SMIM20: variants seen among roughly 807,000 people sequenced by gnomAD.
SMIM20 encodes the protein small integral membrane protein 20, also known as mitochondrial translation regulation assembly intermediate of cytochrome c oxidase protein of 7 kDa.
Under a neutral mutation model 8.7 loss-of-function variants are expected in SMIM20, and 3 were observed. The observed-to-expected ratio is 0.34, with a 90% CI of 0.16 to 0.89. The LOEUF is 0.89. Among genes scored for constraint, SMIM20 ranks in the 40% least tolerant of loss-of-function variants. The probability of loss-of-function intolerance (pLI) is 0.49; values close to 1 mark genes in which losing one functional copy is unlikely to be tolerated. For synonymous variants in SMIM20, 44 were observed against 33.6 expected, an observed-to-expected ratio of 1.31 and a Z score of -1.07; for missense variants, 85 against 84.8, an observed-to-expected ratio of 1.00 and a Z score of -0.01.
chr4:25,926,633 C>T (rs992613113), intron 1 of SMIM20, among the ~76,000 whole-genome samples: 3 of 152,268 alleles, frequency 2.0e-5, no homozygotes, highest in Non-Finnish European at 4.4e-5. Flanking sequence ...GGCATTCGGT[C>T]CTTGCCACCA....
At chr4:25,915,332 G>A (rs1719064421) in intron 1 of SMIM20, among the ~76,000 whole-genome samples, 1 of 152,092 alleles carries the variant, frequency 6.6e-6, no homozygotes, top group Non-Finnish European at 1.5e-5. Context: ...GAAAATATTA[G>A]GCATTAGAGG....
intron 1 of SMIM20, among the ~76,000 whole-genome samples, chr4:25,920,319 G>A (rs1424212489): frequency 6.6e-6 from 1 of 152,148 alleles, no homozygotes; most frequent in Non-Finnish European, 1.5e-5. Context: ...GTGATGTCCT[G>A]ATGATCCTGA....
intron 1 of SMIM20, among the ~76,000 whole-genome samples, chr4:25,920,340 G>A (rs1189189106): frequency 6.6e-6 from 1 of 152,044 alleles, no homozygotes; most frequent in Non-Finnish European, 1.5e-5. Context: ...CCCTGTGTGG[G>A]CCTAGGCTAA....
intron 1 of SMIM20, 105 bp from the exon 2 acceptor site, chr4:25,928,208 A>C: frequency 3.4e-6 from 4 of 1,170,554 alleles, no homozygotes; most frequent in Non-Finnish European, 4.8e-6. Context: ...CAGCACTCAT[A>C]AATACTGTTT....
chr4:25,928,299 C>G lies in SMIM20; in HGVS notation c.110-14C>G, dbSNP rs1711563799. ...CCCCCTTCTAAAGAATGATTTTTCT[C>G]TTATGTTTCTCAGAGAAGGAACAAG... On this transcript the variant is annotated splice_polypyrimidine_tract_variant and intron_variant, in intron 1 of 2. Coordinates refer to ENST00000506197, the MANE Select transcript of SMIM20 (RefSeq NM_001145432.3). 1 of 1,547,630 alleles carries G rather than the reference C, an allele frequency of 6.5e-7. No individual in the cohort carries two copies. The highest frequency in any genetic ancestry group is 8.7e-7 in the Non-Finnish European group (1 of 1,145,468).
chr4:25,917,433 G>T (rs1022656120), intron 1 of SMIM20, among the ~76,000 whole-genome samples: 2 of 152,176 alleles, frequency 1.3e-5, no homozygotes, highest in African/African-American at 2.4e-5. Flanking sequence ...ACAAGGGCAG[G>T]AATGTGAGAC....
At chr4:25,922,666 A>T (rs1343226826) in intron 1 of SMIM20, among the ~76,000 whole-genome samples, 1 of 152,038 alleles carries the variant, frequency 6.6e-6, no homozygotes, top group Non-Finnish European at 1.5e-5. Context: ...GGATCCTGAG[A>T]CTGTGGGGCA....
chr4:25,923,789 G>A (rs1318674208), intron 1 of SMIM20, among the ~76,000 whole-genome samples: 3 of 152,240 alleles, frequency 2.0e-5, no homozygotes, highest in Non-Finnish European at 4.4e-5. Flanking sequence ...GACATGCCAG[G>A]TGCTTAGAAT....
At chr4:25,921,432 A>G (rs76280821) in intron 1 of SMIM20, among the ~76,000 whole-genome samples, 3,029 of 152,318 alleles carry the variant, frequency 0.02, 88 homozygotes, top group African/African-American at 0.066. Context: ...GGGGCAAAGA[A>G]GGAGAATGGC....
intron 1 of SMIM20, among the ~76,000 whole-genome samples, chr4:25,926,591 C>T (rs1392508010): frequency 6.6e-6 from 1 of 152,228 alleles, no homozygotes; most frequent in African/African-American, 2.4e-5. Context: ...ATTTGGTTCT[C>T]CGTTGCATCA....
intron 1 of SMIM20, among the ~76,000 whole-genome samples, chr4:25,920,261 C>T (rs2109363758): frequency 6.6e-6 from 1 of 152,290 alleles, no homozygotes; most frequent in South Asian, 2.1e-4. Context: ...CCATGTATGA[C>T]AGTGGTCCCA....
intron 1 of SMIM20, among the ~76,000 whole-genome samples, chr4:25,923,461 C>T (rs1295833859): frequency 6.6e-6 from 1 of 152,138 alleles, no homozygotes; most frequent in Non-Finnish European, 1.5e-5. Flanking sequence ...CATTTCCGTC[C>T]CCTCATTTAG....
chr4:25,918,921 G>A lies in SMIM20; in HGVS notation c.109+4499G>A, dbSNP rs185119812. On this transcript the variant is annotated intron_variant, in intron 1 of 2. Coordinates refer to ENST00000506197, the MANE Select transcript of SMIM20 (RefSeq NM_001145432.3). ...TTTTTTTTTTTTTTTTTTTTGAGAC[G>A]GAGTCTCGCTCTGTCGCCCAGGCCG... Among the ~76,000 whole-genome samples, 1,048 of 112,734 alleles carry A rather than the reference G, an allele frequency of 9.3e-3. 14 individuals are homozygous for A. The highest frequency in any genetic ancestry group is 0.032 in the African/African-American group (954 of 29,496). 74.0% of individuals were successfully genotyped at this position (112,734 alleles called of 152,430 possible).
chr4:25,924,316 G>A (rs1370482094), intron 1 of SMIM20, among the ~76,000 whole-genome samples: 2 of 152,200 alleles, frequency 1.3e-5, no homozygotes, highest in Non-Finnish European at 2.9e-5. Context: ...TCGTATGCAT[G>A]TTGTACAGTT....
chr4:25,927,977 G>T (rs930827301), intron 1 of SMIM20, among the ~76,000 whole-genome samples: 1 of 152,132 alleles, frequency 6.6e-6, no homozygotes, highest in Non-Finnish European at 1.5e-5. Context: ...CTTTCCCCTC[G>T]TGATATCACG....
intron 1 of SMIM20, 114 bp downstream of exon 1, chr4:25,914,536 G>A: frequency 9.3e-7 from 1 of 1,078,550 alleles, no homozygotes; most frequent in East Asian, 3.0e-5. Flanking sequence ...AGGGAGAGCC[G>A]GGTTCGAATC....
At position 25,928,345 on chromosome 4, in the gene SMIM20, G is replaced by A. The variant is rs1040656566; in HGVS notation, c.142G>A (p.Val48Ile). 1 of 1,549,612 alleles carries A rather than the reference G, an allele frequency of 6.5e-7. No homozygotes were observed. The highest frequency in any genetic ancestry group is 2.0e-5 in the Admixed American group (1 of 50,756). ...KEQAINRAGIVQEDVQPPGLK... is the reference protein window; with the variant it reads ...KEQAINRAGIIQEDVQPPGLK... The stretch of plus-strand genomic sequence containing the variant: ...ACAAGCTATAAATCGGGCTGGAATT[G>A]TTCAAGAGGATGTGCAGCCACCAGG... The change falls in exon 2 of 3, where the codon GTT becomes ATT. Residue 48 changes from valine to isoleucine, a missense_variant. Transcript: ENST00000506197.
At chr4:25,917,075 G>A (rs933720050) in intron 1 of SMIM20, among the ~76,000 whole-genome samples, 4 of 152,098 alleles carry the variant, frequency 2.6e-5, no homozygotes, top group African/African-American at 9.7e-5. Flanking sequence ...ACAAACTGAG[G>A]TGTGAAACAG....
intron 1 of SMIM20, among the ~76,000 whole-genome samples, chr4:25,924,626 A>T (rs1032707839): frequency 6.6e-6 from 1 of 152,202 alleles, no homozygotes; most frequent in African/African-American, 2.4e-5. Context: ...AGATACATAC[A>T]TATATACAGA....
Sources: allele counts gnomAD v4.1 joint callset (sites outside exome capture counted in the v4.1 genomes callset), GRCh38; gene constraint gnomAD v4.1.1; transcripts MANE v1.5; gene names NCBI Gene and HGNC (gene_info 2026-07-23, HGNC 2026-07-21).